The following NPAT variants were observed in gnomAD, a reference collection of about 807,000 sequenced individuals.
The protein encoded by NPAT is protein NPAT.
NPAT carries 52 observed loss-of-function variants against 130.7 expected under a neutral mutation model. The ratio of observed to expected loss-of-function variants is 0.40; its 90% confidence interval spans 0.32 to 0.50. The LOEUF (loss-of-function observed/expected upper bound fraction) is 0.50, where lower values mean the gene tolerates loss of function less well. NPAT is among the 20% of genes least tolerant of loss of function. The pLI is 0.68. For missense variants in NPAT, 1,687 were observed against 1,662.6 expected (o/e 1.01, Z -0.26); for synonymous variants, 580 against 584.8 (o/e 0.99, Z 0.12).
intron 1 of NPAT, among the ~76,000 whole-genome samples, chr11:108,206,660 T>C (rs1458497406): frequency 2.6e-5 from 4 of 152,168 alleles, no homozygotes; most frequent in African/African-American, 7.2e-5. Flanking sequence ...AGCTCTTCTT[T>C]CCTTCTCATT....
At chr11:108,215,335 C>T (rs1360256836) in intron 1 of NPAT, among the ~76,000 whole-genome samples, 1 of 151,738 alleles carries the variant, frequency 6.6e-6, no homozygotes, top group African/African-American at 2.4e-5. Flanking sequence ...TGAGAACACA[C>T]GGGCACATAA....
intron 13 of NPAT, chr11:108,171,888 T>G (rs976783321): frequency 2.4e-4 from 65 of 273,044 alleles, no homozygotes; most frequent in African/African-American, 1.4e-3. Context: ...CCCACAACAT[T>G]GGGTTTTATA....
rs562482906 is a variant in NPAT at position 108,158,874 on chromosome 11, C to T, written c.*68G>A. The T allele has an allele frequency of 2.2e-6, 2 of 894,434 alleles. No individual in the cohort carries two copies. The highest frequency in any genetic ancestry group is 2.7e-5 in the South Asian group (2 of 74,730). 55.4% of individuals were successfully genotyped at this position (894,434 alleles called of 1,614,324 possible). On this transcript the variant is annotated 3_prime_UTR_variant, in exon 18 of 18. Transcript: ENST00000278612. ...CATGCTTTCAGATTCTGTCAATATC[C>T]CATTCCCTACACTCAGTTTAAGGGA...
At chr11:108,163,095 T>TA (rs397779192) in intron 15 of NPAT, among the ~76,000 whole-genome samples, 2 of 151,750 alleles carry the variant, frequency 1.3e-5, no homozygotes, top group African/African-American at 4.9e-5. Context: ...TTTATTTATT[T>TA]TTGAGACGGA....
At chr11:108,193,383 AT>A (rs545678308) in intron 3 of NPAT, among the ~76,000 whole-genome samples, 2 of 152,198 alleles carry the variant, frequency 1.3e-5, no homozygotes, top group Non-Finnish European at 2.9e-5. Flanking sequence ...TTTTTGGGTT[AT>A]TTTTGCTAAC....
intron 12 of NPAT, among the ~76,000 whole-genome samples, chr11:108,175,600 C>A (rs1420355636): frequency 6.6e-6 from 1 of 152,086 alleles, no homozygotes; most frequent in Non-Finnish European, 1.5e-5. Context: ...AAAACACAAC[C>A]CACTATAATT....
chr11:108,191,059 C>G (rs767721808), intron 4 of NPAT, among the ~76,000 whole-genome samples: 1 of 152,120 alleles, frequency 6.6e-6, no homozygotes. Context: ...CAGAGTGAGA[C>G]CCTACCTCTT....
intron 2 of NPAT, among the ~76,000 whole-genome samples, chr11:108,196,277 T>G (rs979573496): frequency 2.0e-5 from 3 of 152,234 alleles, no homozygotes; most frequent in African/African-American, 7.2e-5. Flanking sequence ...TGTGTGGGTC[T>G]CTACATGGAC....
At chr11:108,187,963 T>G in intron 7 of NPAT, 135 bp downstream of exon 7, 1 of 699,368 alleles carries the variant, frequency 1.4e-6, no homozygotes, top group South Asian at 1.7e-5. Flanking sequence ...GACAATGTAT[T>G]TTGGAATAGT....
chr11:108,197,747 A>G (rs755413680), intron 1 of NPAT, among the ~76,000 whole-genome samples: 11 of 152,256 alleles, frequency 7.2e-5, no homozygotes, highest in Non-Finnish European at 1.3e-4. Flanking sequence ...TAACTTCCAT[A>G]AAGACCAAGT....
At chr11:108,196,747 T>C (rs1354323820) in intron 2 of NPAT, among the ~76,000 whole-genome samples, 1 of 152,234 alleles carries the variant, frequency 6.6e-6, no homozygotes, top group Admixed American at 6.5e-5. Flanking sequence ...GATTTGTGTA[T>C]ATTCTGTATT....
At chr11:108,188,206 A>G in intron 6 of NPAT, 27 bp from the exon 7 acceptor site, 1 of 1,544,472 alleles carries the variant, frequency 6.5e-7, no homozygotes, top group Non-Finnish European at 9.0e-7. Flanking sequence ...CATAACAGTA[A>G]GCCAAAGAAA....
At chr11:108,183,133 A>G (rs2078072846) in intron 10 of NPAT, among the ~76,000 whole-genome samples, 1 of 151,866 alleles carries the variant, frequency 6.6e-6, no homozygotes, top group African/African-American at 2.4e-5. Flanking sequence ...GGTACATGCA[A>G]TAACACCTGG....
intron 1 of NPAT, among the ~76,000 whole-genome samples, chr11:108,213,171 GC>G (rs1208016202): frequency 1.3e-5 from 2 of 151,952 alleles, no homozygotes; most frequent in East Asian, 3.9e-4. Flanking sequence ...TATTCCAGAG[GC>G]TGAGGCAGGA....
At chr11:108,196,683 T>C (rs1236213354) in intron 2 of NPAT, among the ~76,000 whole-genome samples, 2 of 152,248 alleles carry the variant, frequency 1.3e-5, no homozygotes, top group African/African-American at 4.8e-5. Context: ...GTTGCTATTA[T>C]AAACGGGTAT....
In NPAT at chr11:108,189,337, CAT is replaced by C. The variant is rs767491603; in HGVS notation, c.332-9_332-8del. ...ATTCCAGTTCTCGTTCGGGCTGAAA[CAT>C]ATAAGCATTTAAAAAACAAATTCAA... On this transcript the variant is annotated splice_polypyrimidine_tract_variant and splice_region_variant and intron_variant, in intron 5 of 17. Transcript: ENST00000278612. 5.3e-5 allele frequency: 85 copies of C among 1,613,906 alleles called. No homozygotes were observed. The South Asian group carries it at 8.6e-4, about 16-fold the overall frequency.
At position 108,161,663 on chromosome 11, in the gene NPAT, T is replaced by G; in HGVS notation, c.3423A>C (p.Ile1141=). ...SESAISRHTT[I]RETQSEKKVS... ...CTTTCTTTTCTGATTGAGTTTCTCT[T>G]ATGGTGGTATGCCGGCTAATGGCAC... The change falls in exon 17 of 18, where the codon ATA becomes ATC. Residue 1141 remains isoleucine, a synonymous_variant. Transcript: ENST00000278612. The G allele has an allele frequency of 1.2e-6, 2 of 1,614,056 alleles. No individual in the cohort carries two copies. The highest frequency in any genetic ancestry group is 1.7e-6 in the Non-Finnish European group (2 of 1,180,022).
Position 108,169,748 on chromosome 11 carries a change from A to C in NPAT, c.3006T>G (p.Cys1002Trp). Residue 1002 changes from cysteine (C) to tryptophan (W), a missense_variant, in exon 15 of 18, where the codon TGT (cysteine) becomes TGG (tryptophan). Physicochemically the swap from Cys to Trp is radical, Grantham distance 215. Transcript: ENST00000278612. ...TAATGAAATTAAAAATGGTACCTATACAAGGCTTGTTTCTTAGTCCCTGAG... is the reference window on the plus strand; with the variant it reads ...TAATGAAATTAAAAATGGTACCTATCCAAGGCTTGTTTCTTAGTCCCTGAG... ...QKAQGLRNKP[C>W]IGKQVNNLVD... The C allele has an allele frequency of 6.2e-7, 1 of 1,600,852 alleles. No individual in the cohort carries two copies. Among genetic ancestry groups the C allele is most frequent in the Non-Finnish European group, 8.6e-7 (1 of 1,167,872 alleles).
At position 108,161,782 on chromosome 11, in the gene NPAT, T is replaced by G. The variant is rs1266944000; in HGVS notation, c.3304A>C (p.Asn1102His). 1 of 1,613,878 alleles carries G rather than the reference T, an allele frequency of 6.2e-7. No homozygotes were observed. The highest frequency in any genetic ancestry group is 2.2e-5 in the East Asian group (1 of 44,888). Residue 1102 changes from asparagine to histidine, a missense_variant, in exon 17 of 18, where the codon AAT (asparagine) becomes CAT (histidine). Coordinates refer to ENST00000278612, the MANE Select transcript of NPAT (RefSeq NM_002519.3). ...AVSFPNLDSP[N>H]VSSTLKPPSN... is the part of the protein sequence containing the mutation. Reference sequence around the variant, plus strand: ...GGGGGTTTTAAGGTGGAGGACACATTGGGTGAGTCAAGATTAGGAAAAGAG... The same window carrying G: ...GGGGGTTTTAAGGTGGAGGACACATGGGGTGAGTCAAGATTAGGAAAAGAG...
Sources: allele counts gnomAD v4.1 joint callset (sites outside exome capture counted in the v4.1 genomes callset), GRCh38; gene constraint gnomAD v4.1.1; transcripts MANE v1.5; gene names NCBI Gene and HGNC (gene_info 2026-07-23, HGNC 2026-07-21).